Variants in SEC14L2 observed in about 807,000 individuals in gnomAD.
SEC14L2 encodes SEC14 like lipid binding 2, also known as SEC14-like protein 2.
A neutral mutation model predicts 56.9 loss-of-function variants in SEC14L2; 50 were observed. That is an observed-to-expected ratio of 0.88 (90% CI 0.70 to 1.11). The LOEUF is 1.11. Ranked by LOEUF, SEC14L2 falls within the 50% of genes most tolerant of loss-of-function variation. The probability of loss-of-function intolerance (pLI) is 0.00; values close to 1 mark genes in which losing one functional copy is unlikely to be tolerated. For missense variants in SEC14L2, 414 were observed against 500.7 expected (o/e 0.83, Z 1.65); for synonymous variants, 179 against 188.5 (o/e 0.95, Z 0.41).
chr22:30,408,871 C>G (rs1204276554), intron 5 of SEC14L2, among the ~76,000 whole-genome samples: 1 of 152,188 alleles, frequency 6.6e-6, no homozygotes, highest in Non-Finnish European at 1.5e-5. Context: ...TCTACGGGTA[C>G]CGTGCACAGA....
intron 8 of SEC14L2, among the ~76,000 whole-genome samples, chr22:30,414,014 A>G (rs554954316): frequency 6.6e-6 from 1 of 152,002 alleles, no homozygotes; most frequent in Non-Finnish European, 1.5e-5. Context: ...TATTTTTGGT[A>G]GAGACGGGAG....
intron 1 of SEC14L2, 105 bp from the exon 2 acceptor site, chr22:30,399,533 AAAAAG>A: frequency 3.5e-6 from 2 of 567,396 alleles, no homozygotes; most frequent in South Asian, 2.9e-5. Context: ...AAAAAAAAAA[AAAAAG>A]AAACAAAGAA....
In SEC14L2 at chr22:30,407,568, C is replaced by A. The variant is rs565872473; in HGVS notation, c.388C>A (p.Leu130Met). The A allele has an allele frequency of 3.8e-5, 62 of 1,614,134 alleles. No homozygotes were observed. In the South Asian group the frequency reaches 6.7e-4, roughly 17 times the overall value. ...GAGGACCAAGATGCGGGAGTGTGAG[C>A]TGCTTCTGCAAGAGTGTGCCCACCA... Reference protein sequence around the residue: ...LLRTKMRECELLLQECAHQTT... With the variant: ...LLRTKMRECEMLLQECAHQTT... Residue 130 changes from leucine (L) to methionine (M), a missense_variant, in exon 5 of 12, where the codon CTG becomes ATG. Leu to Met is a conservative substitution (Grantham distance 15). Transcript: ENST00000615189.
rs1469428366 is a variant in SEC14L2 at position 30,398,589 on chromosome 22, T to G, written c.55-1054T>G. 1.2e-5 allele frequency: 5 copies of G among 424,666 alleles called. No individual in the cohort carries two copies. In the East Asian group the frequency reaches 3.6e-4, roughly 31 times the overall value. 26.3% of individuals were successfully genotyped at this position (424,666 alleles called of 1,614,324 possible). A position where few individuals can be genotyped will look rare whatever the true frequency, so the allele number is the denominator to read the frequency against. On this transcript the variant is annotated intron_variant, in intron 1 of 11. Transcript: ENST00000615189. ...TCCTTTGTTTGGCACTACCTGCACT[T>G]TCCCGCTTCCTGGCTTCCCCTACTG...
chr22:30,403,805 C>A, intron 2 of SEC14L2, among the ~76,000 whole-genome samples: 1 of 151,694 alleles, frequency 6.6e-6, no homozygotes, highest in South Asian at 2.1e-4. Context: ...AGATCGAGAC[C>A]ATCCTGGCTA....
At chr22:30,398,494 G>A in intron 1 of SEC14L2, 1 of 356,226 alleles carries the variant, frequency 2.8e-6, no homozygotes, top group South Asian at 2.1e-5. Context: ...GGCATATAGG[G>A]GCCTGTTCGC....
intron 10 of SEC14L2, 63 bp downstream of exon 10, chr22:30,416,150 G>A: frequency 6.2e-7 from 1 of 1,609,832 alleles, no homozygotes; most frequent in Non-Finnish European, 8.5e-7. Flanking sequence ...TAGGTGGGCT[G>A]GAATAGGAGA....
Position 30,407,550 on chromosome 22 carries a change from A to G in SEC14L2, c.370A>G (p.Lys124Glu), listed in dbSNP as rs1346690461. The change falls in exon 5 of 12, where the codon AAG (lysine) becomes GAG (glutamate). Residue 124 changes from lysine (K) to glutamate (E), a missense_variant. By Grantham distance (56) the Lys-to-Glu change is moderately conservative. Transcript: ENST00000615189. Reference protein sequence around the residue: ...SASKQDLLRTKMRECELLLQE... With the variant: ...SASKQDLLRTEMRECELLLQE... ...CTCCAAACAGGACCTGCTGAGGACC[A>G]AGATGCGGGAGTGTGAGCTGCTTCT... The G allele has an allele frequency of 5.0e-6, 8 of 1,614,066 alleles. No homozygotes were observed. The highest frequency in any genetic ancestry group is 1.3e-5 in the African/African-American group (1 of 74,924).
intron 11 of SEC14L2, among the ~76,000 whole-genome samples, chr22:30,418,262 G>A (rs1006832078): frequency 1.3e-5 from 2 of 152,018 alleles, no homozygotes; most frequent in Non-Finnish European, 2.9e-5. Context: ...GCATAGAGAA[G>A]GGATGTTCTC....
Position 30,416,401 on chromosome 22 carries a change from T to C in SEC14L2, c.1079T>C (p.Ile360Thr). 6.2e-7 allele frequency: 1 copy of C among 1,614,268 alleles called. No individual in the cohort carries two copies. The highest frequency in any genetic ancestry group is 8.5e-7 in the Non-Finnish European group (1 of 1,180,048). The part of the protein sequence containing the change: ...DGTLTCSDPG[I>T]YVLRFDNTYS... Reference sequence around the variant, plus strand: ...ACCCTCACCTGCAGTGATCCTGGCATCTGTAAGTATCTCTGCCTTGGCAAT... The same window carrying C: ...ACCCTCACCTGCAGTGATCCTGGCACCTGTAAGTATCTCTGCCTTGGCAAT... The change falls in exon 11 of 12, where the codon ATC becomes ACC. Residue 360 changes from isoleucine (I) to threonine (T), a missense_variant and splice_region_variant. Transcript: ENST00000615189.
In SEC14L2 at chr22:30,410,598, C is replaced by A; in HGVS notation, c.583C>A (p.Pro195Thr). 6.2e-7 allele frequency: 1 copy of A among 1,614,130 alleles called. No individual in the cohort carries two copies. The highest frequency in any genetic ancestry group is 8.5e-7 in the Non-Finnish European group (1 of 1,179,940). Residue 195 changes from proline to threonine, a missense_variant and splice_region_variant, in exon 8 of 12, where the codon CCC (proline) becomes ACC (threonine). Transcript: ENST00000615189. ...TLKRLFVVKA[P>T]KLFPVAYNLI... Reference sequence around the variant, plus strand: ...ACATTATCTGGTCTCTGTTCCAGCCCCCAAACTGTTTCCTGTGGCCTATAA... The same window carrying A: ...ACATTATCTGGTCTCTGTTCCAGCCACCAAACTGTTTCCTGTGGCCTATAA...
At chr22:30,409,004 G>A in intron 5 of SEC14L2, 183 bp from the exon 6 acceptor site, 1 of 694,900 alleles carries the variant, frequency 1.4e-6, no homozygotes. Flanking sequence ...TAGGCAGGAA[G>A]AGTGACTCGC....
chr22:30,408,813 CCT>C (rs1171338599), intron 5 of SEC14L2, among the ~76,000 whole-genome samples: 1 of 152,332 alleles, frequency 6.6e-6, no homozygotes, highest in Non-Finnish European at 1.5e-5. Flanking sequence ...TGGATGCACC[CCT>C]GAGGGTTCAG....
chr22:30,397,074 G>T lies in SEC14L2; in HGVS notation c.-43G>T. 6.5e-7 allele frequency: 1 copy of T among 1,532,354 alleles called. No individual in the cohort carries two copies. The allele number at this position is 1,532,354 out of a possible 1,614,324, so 94.9% of individuals were successfully genotyped here. A position where few individuals can be genotyped will look rare whatever the true frequency, so the allele number is the denominator to read the frequency against. ...CTGTGCTCCATCAGCTGCCGCACCCGCCGCCTCCCGCCCCCAAACCCCATC... is the reference window on the plus strand; with the variant it reads ...CTGTGCTCCATCAGCTGCCGCACCCTCCGCCTCCCGCCCCCAAACCCCATC... On this transcript the variant is annotated 5_prime_UTR_variant, in exon 1 of 12. Coordinates refer to ENST00000615189, the MANE Select transcript of SEC14L2 (RefSeq NM_012429.5).
chr22:30,411,407 G>A (rs983221642), intron 8 of SEC14L2, among the ~76,000 whole-genome samples: 1 of 152,140 alleles, frequency 6.6e-6, no homozygotes, highest in Non-Finnish European at 1.5e-5. Flanking sequence ...CAAGCACATA[G>A]TATGTGCCAG....
chr22:30,404,875 G>C (rs764258540), intron 2 of SEC14L2, among the ~76,000 whole-genome samples: 6 of 152,096 alleles, frequency 3.9e-5, no homozygotes, highest in Non-Finnish European at 8.8e-5. Context: ...TTTGAGACCA[G>C]CCTGGCCAAC....
At chr22:30,415,154 G>A (rs1209452013) in intron 8 of SEC14L2, among the ~76,000 whole-genome samples, 5 of 152,124 alleles carry the variant, frequency 3.3e-5, no homozygotes, top group Admixed American at 1.3e-4. Context: ...CCTCTCGGCC[G>A]GGCGCAGTGG....
intron 5 of SEC14L2, chr22:30,408,924 G>A (rs911163085): frequency 2.7e-5 from 14 of 525,074 alleles, no homozygotes; most frequent in African/African-American, 2.7e-4. Flanking sequence ...AGGCCAAACT[G>A]CAGAACCAAA....
chr22:30,409,999 A>G (rs1601779397), intron 7 of SEC14L2, among the ~76,000 whole-genome samples: 1 of 152,180 alleles, frequency 6.6e-6, no homozygotes, highest in Non-Finnish European at 1.5e-5. Context: ...GGAGTTCAAG[A>G]CCAGCCTGGC....
Sources: allele counts gnomAD v4.1 joint callset (sites outside exome capture counted in the v4.1 genomes callset), GRCh38; gene constraint gnomAD v4.1.1; transcripts MANE v1.5; gene names NCBI Gene and HGNC (gene_info 2026-07-23, HGNC 2026-07-21).